The following CACNB4 variants were observed in gnomAD, a reference collection of about 807,000 sequenced individuals.
CACNB4 encodes the protein voltage-dependent L-type calcium channel subunit beta-4.
A neutral mutation model predicts 71.2 loss-of-function variants in CACNB4; 32 were observed. That is an observed-to-expected ratio of 0.45 (90% CI 0.34 to 0.60). The LOEUF (loss-of-function observed/expected upper bound fraction) is 0.60, where lower values mean the gene tolerates loss of function less well. Ranked by LOEUF, CACNB4 falls within the 20% of genes least tolerant of loss-of-function variation. CACNB4 has a pLI of 0.01. For missense variants in CACNB4, 464 were observed against 647.9 expected, an observed-to-expected ratio of 0.72 and a Z score of 3.08; for synonymous variants, 231 against 236.9, an observed-to-expected ratio of 0.97 and a Z score of 0.23.
chr2:151,998,542 GC>G (rs1242303570), intron 2 of CACNB4, among the ~76,000 whole-genome samples: 1 of 152,044 alleles, frequency 6.6e-6, no homozygotes, highest in Non-Finnish European at 1.5e-5. Flanking sequence ...AGTGCCATTT[GC>G]CTCACAAGAT....
At chr2:151,905,235 C>A (rs1006113746) in intron 2 of CACNB4, among the ~76,000 whole-genome samples, 11 of 152,150 alleles carry the variant, frequency 7.2e-5, no homozygotes, top group African/African-American at 2.7e-4. Flanking sequence ...ATTTTCTACC[C>A]CCAACCTGGA....
At chr2:152,022,546 C>A (rs538141081) in intron 2 of CACNB4, among the ~76,000 whole-genome samples, 1 of 152,318 alleles carries the variant, frequency 6.6e-6, no homozygotes. Context: ...ATATTCCTTT[C>A]AAAGAGATAC....
intron 2 of CACNB4, among the ~76,000 whole-genome samples, chr2:151,926,734 T>A (rs537255597): frequency 6.6e-6 from 1 of 152,358 alleles, no homozygotes; most frequent in African/African-American, 2.4e-5. Context: ...TGCTCATTAC[T>A]ATTTCAAATT....
chr2:152,067,416 G>A (rs568833560), intron 2 of CACNB4, among the ~76,000 whole-genome samples: 2 of 151,076 alleles, frequency 1.3e-5, no homozygotes, highest in Non-Finnish European at 2.9e-5. Flanking sequence ...TCACTGTGTT[G>A]CCCAGGCTGG....
intron 2 of CACNB4, among the ~76,000 whole-genome samples, chr2:152,041,725 C>T (rs188345171): frequency 5.3e-5 from 8 of 152,132 alleles, no homozygotes; most frequent in East Asian, 3.8e-4. Flanking sequence ...ATTAAAAAAA[C>T]GGCTTTGGGT....
At position 152,082,163 on chromosome 2, in the gene CACNB4, ACAGCC is replaced by A. The variant is rs1410088253; in HGVS notation, c.147+16162_147+16166del. On this transcript the variant is annotated intron_variant, in intron 2 of 13. Coordinates refer to ENST00000539935, the MANE Select transcript of CACNB4 (RefSeq NM_000726.5). ...ACATTTCACAAATACTTCATCCTTG[ACAGCC>A]CACTCTATTCTTTGCACATCCTTTC... Among the ~76,000 whole-genome samples the A allele has an allele frequency of 2.0e-5, 3 of 152,342 alleles. No individual in the cohort carries two copies. The East Asian group carries it at 5.8e-4, about 29-fold the overall frequency.
intron 8 of CACNB4, chr2:151,870,157 G>A (rs936559943): frequency 3.1e-6 from 2 of 638,334 alleles, no homozygotes; most frequent in Admixed American, 4.7e-5. Flanking sequence ...TGGGTTTGCT[G>A]GAAGATTGAT....
intron 12 of CACNB4, among the ~76,000 whole-genome samples, chr2:151,847,691 C>T (rs1044733814): frequency 6.6e-6 from 1 of 152,090 alleles, no homozygotes; most frequent in African/African-American, 2.4e-5. Context: ...AGTTTGAGAC[C>T]ATCTCTTTTA....
chr2:152,067,393 G>GC lies in CACNB4; in HGVS notation c.147+30936_147+30937insG, dbSNP rs199960430. On this transcript the variant is annotated intron_variant, in intron 2 of 13. Coordinates refer to ENST00000539935, the MANE Select transcript of CACNB4 (RefSeq NM_000726.5). Reference sequence around the variant, plus strand: ...TTTATAGAGATGTGTGTGTGTGGGGGGGGGGGTGCCTCTCACTGTGTTGCC... The same window carrying GC: ...TTTATAGAGATGTGTGTGTGTGGGGGCGGGGGGTGCCTCTCACTGTGTTGCC... 3.4e-3 allele frequency among the ~76,000 whole-genome samples: 496 copies of GC among 146,928 alleles called. 12 individuals carry two copies. Among genetic ancestry groups the GC allele is most frequent in the African/African-American group, 0.012 (475 of 39,952 alleles).
intron 2 of CACNB4, among the ~76,000 whole-genome samples, chr2:151,913,282 G>A (rs556017182): frequency 1.1e-4 from 16 of 152,126 alleles, no homozygotes; most frequent in Non-Finnish European, 1.8e-4. Context: ...ATATTTTGGT[G>A]TGTTTTTGCA....
intron 2 of CACNB4, among the ~76,000 whole-genome samples, chr2:152,075,239 G>C (rs1394852480): frequency 6.6e-6 from 1 of 152,158 alleles, no homozygotes; most frequent in Non-Finnish European, 1.5e-5. Flanking sequence ...ATAGAACATG[G>C]ACTCAGTCCA....
At chr2:151,928,220 A>T (rs1386955975) in intron 2 of CACNB4, among the ~76,000 whole-genome samples, 1 of 152,220 alleles carries the variant, frequency 6.6e-6, no homozygotes, top group African/African-American at 2.4e-5. Flanking sequence ...GCCTAATTTT[A>T]AAAGAATACC....
chr2:151,844,795 A>T (rs1378837606), intron 12 of CACNB4, among the ~76,000 whole-genome samples: 1 of 152,252 alleles, frequency 6.6e-6, no homozygotes, highest in African/African-American at 2.4e-5. Flanking sequence ...TCTTTCCGCC[A>T]TTCCAGGCTA....
intron 9 of CACNB4, among the ~76,000 whole-genome samples, chr2:151,862,915 G>T (rs138725871): frequency 2.2e-4 from 34 of 152,236 alleles, no homozygotes; most frequent in African/African-American, 7.9e-4. Context: ...TCTTCGCCTT[G>T]CTCTGAGATA....
At chr2:151,892,829 C>T (rs763214514) in intron 2 of CACNB4, among the ~76,000 whole-genome samples, 3 of 152,116 alleles carry the variant, frequency 2.0e-5, no homozygotes, top group Non-Finnish European at 2.9e-5. Flanking sequence ...ATGGAGACCC[C>T]AATACTGCCC....
At chr2:152,027,293 T>C (rs1299581871) in intron 2 of CACNB4, among the ~76,000 whole-genome samples, 1 of 152,268 alleles carries the variant, frequency 6.6e-6, no homozygotes, top group Non-Finnish European at 1.5e-5. Context: ...CTTTGTATTG[T>C]TTCAGCAAAT....
chr2:152,073,708 A>G (rs1386521881), intron 2 of CACNB4, among the ~76,000 whole-genome samples: 1 of 152,248 alleles, frequency 6.6e-6, no homozygotes, highest in Non-Finnish European at 1.5e-5. Context: ...AGATTTGTCA[A>G]TCTGCTTTCA....
At chr2:151,952,809 C>T (rs2099867257) in intron 2 of CACNB4, among the ~76,000 whole-genome samples, 1 of 152,198 alleles carries the variant, frequency 6.6e-6, no homozygotes, top group African/African-American at 2.4e-5. Context: ...CGTTCTGGCA[C>T]CGTTACTCAA....
In CACNB4 at chr2:151,876,620, C is replaced by T. The variant is rs576948668; in HGVS notation, c.391-64G>A. 159 of 956,884 alleles carry T rather than the reference C, an allele frequency of 1.7e-4. 1 individual carries two copies. The highest frequency in any genetic ancestry group is 2.2e-4 in the Non-Finnish European group (150 of 678,206). 59.3% of individuals were successfully genotyped at this position (956,884 alleles called of 1,614,324 possible). A position where few individuals can be genotyped will look rare whatever the true frequency, so the allele number is the denominator to read the frequency against. On this transcript the variant is annotated intron_variant, in intron 4 of 13. Transcript: ENST00000539935. ...ACTTATCTTCACGTTGTTTATTAAT[C>T]TTAGGGGACAAGAAGAATAAAATGC...
Sources: gnomAD v4.1 joint callset for allele counts (sites outside exome capture counted in the v4.1 genomes callset) on GRCh38, gnomAD v4.1.1 for gene constraint, MANE v1.5 for transcripts, NCBI Gene and HGNC (gene_info 2026-07-23, HGNC 2026-07-21) for gene names.